USP15: variants seen among roughly 807,000 people sequenced by gnomAD.
USP15 encodes ubiquitin carboxyl-terminal hydrolase 15.
USP15 carries 18 observed loss-of-function variants against 127.1 expected under a neutral mutation model. The observed-to-expected ratio is 0.14, with a 90% CI of 0.10 to 0.21. The LOEUF (loss-of-function observed/expected upper bound fraction) is 0.21, where lower values mean the gene tolerates loss of function less well. USP15 is among the 10% of genes least tolerant of loss of function. USP15 has a pLI of 1.00. For missense variants in USP15, 805 were observed against 1,159.9 expected (o/e 0.69, Z 4.44); for synonymous variants, 364 against 393.7 (o/e 0.92, Z 0.89).
At chr12:62,289,810 C>T (rs1051025860) in intron 1 of USP15, among the ~76,000 whole-genome samples, 4 of 150,650 alleles carry the variant, frequency 2.7e-5, no homozygotes, top group African/African-American at 9.8e-5. Context: ...TGTTGTATCT[C>T]CTTTTTCATT....
At chr12:62,388,435 A>G (rs1199811070) in intron 11 of USP15, among the ~76,000 whole-genome samples, 2 of 152,184 alleles carry the variant, frequency 1.3e-5, no homozygotes, top group African/African-American at 2.4e-5. Flanking sequence ...GCCCAGCCCA[A>G]TGAAGATTTT....
chr12:62,314,766 A>T, intron 3 of USP15, 24 bp from the exon 4 acceptor site: 1 of 1,520,484 alleles, frequency 6.6e-7, no homozygotes, highest in Non-Finnish European at 8.8e-7. Context: ...GGTGACACTG[A>T]TTTGTTTTGT....
At chr12:62,322,431 C>T (rs562016040) in intron 5 of USP15, among the ~76,000 whole-genome samples, 192 of 152,126 alleles carry the variant, frequency 1.3e-3, no homozygotes, top group Middle Eastern at 3.4e-3. Flanking sequence ...CCACCGTGCC[C>T]GGCCGGTATT....
At chr12:62,392,485 T>A (rs983565918) in intron 18 of USP15, 98 bp downstream of exon 18, 4 of 856,880 alleles carry the variant, frequency 4.7e-6, no homozygotes, top group Non-Finnish European at 7.1e-6. Context: ...TAAATTCTCT[T>A]TGATGTTTTA....
At chr12:62,338,530 T>C (rs921057288) in intron 6 of USP15, among the ~76,000 whole-genome samples, 6 of 152,170 alleles carry the variant, frequency 3.9e-5, no homozygotes, top group African/African-American at 1.4e-4. Context: ...CTTTTGGTGT[T>C]TTAGTCATGA....
At position 62,401,211 on chromosome 12, in the gene USP15, A is replaced by G. The variant is rs780759780; in HGVS notation, c.2699A>G (p.Asp900Gly). 2 of 1,611,484 alleles carry G rather than the reference A, an allele frequency of 1.2e-6. No homozygotes were observed. Among genetic ancestry groups the G allele is most frequent in the Admixed American group, 1.7e-5 (1 of 59,758 alleles). ...GHYTAFAKNK[D>G]DGKWYYFDDS... ...GATACTGCTTTTGCAAAAAATAAAG[A>G]TGATGGAAAATGGTACTATTTTGAT... The change falls in exon 21 of 22, where the codon GAT becomes GGT. Residue 900 changes from aspartate to glycine, a missense_variant. By Grantham distance (94) the Asp-to-Gly change is moderately conservative. This residue lies in a region of USP15 where 116 missense variants were observed against 157.2 expected (regional missense o/e 0.74). Transcript: ENST00000280377.
intron 1 of USP15, chr12:62,274,290 T>C (rs1223254216): frequency 3.9e-5 from 6 of 151,936 alleles, no homozygotes; most frequent in African/African-American, 1.5e-4. Flanking sequence ...AGGCGAGCAG[T>C]TCAAAACCAG....
chr12:62,272,008 G>C (rs1261857734), intron 1 of USP15, among the ~76,000 whole-genome samples: 1 of 151,292 alleles, frequency 6.6e-6, no homozygotes, highest in Non-Finnish European at 1.5e-5. Flanking sequence ...ATTTGTTTCA[G>C]TTTTACTGAA....
At chr12:62,396,173 G>GATAT (rs974691111) in intron 19 of USP15, 122 bp from the exon 20 acceptor site, 6 of 471,390 alleles carry the variant, frequency 1.3e-5, no homozygotes, top group Non-Finnish European at 2.2e-5. Context: ...TATATAGATA[G>GATAT]ATATATATAG....
chr12:62,342,783 A>G (rs1423893544), intron 6 of USP15, among the ~76,000 whole-genome samples: 1 of 152,138 alleles, frequency 6.6e-6, no homozygotes, highest in East Asian at 1.9e-4. Flanking sequence ...GCTTCGTCCC[A>G]GAGGGGCACT....
chr12:62,398,198 G>T (rs547687042), intron 20 of USP15, among the ~76,000 whole-genome samples: 1 of 152,022 alleles, frequency 6.6e-6, no homozygotes, highest in Non-Finnish European at 1.5e-5. Flanking sequence ...TCACCATGGT[G>T]CCCAGGCTGG....
chr12:62,295,143 C>G (rs12821894), intron 2 of USP15, among the ~76,000 whole-genome samples: 10,345 of 152,216 alleles, frequency 0.068, 440 homozygotes, highest in Middle Eastern at 0.095. Context: ...AGACCCCCCC[C>G]CATAGGGTTG....
chr12:62,277,401 T>C (rs2063524131), intron 1 of USP15: 1 of 152,220 alleles, frequency 6.6e-6, no homozygotes, highest in African/African-American at 2.4e-5. Context: ...CATGTTACCA[T>C]ACTGAATAGT....
At chr12:62,339,231 C>A (rs559521033) in intron 6 of USP15, among the ~76,000 whole-genome samples, 2 of 151,976 alleles carry the variant, frequency 1.3e-5, no homozygotes, top group Non-Finnish European at 2.9e-5. Context: ...GATTTTTGCA[C>A]GTTGATTTTG....
chr12:62,308,505 C>T (rs910035800), intron 3 of USP15, among the ~76,000 whole-genome samples: 1 of 152,010 alleles, frequency 6.6e-6, no homozygotes, highest in Admixed American at 6.6e-5. Context: ...TCCCTCATCC[C>T]CTCCCCTCGG....
chr12:62,350,257 A>G (rs1462767855), intron 7 of USP15, among the ~76,000 whole-genome samples: 4 of 152,096 alleles, frequency 2.6e-5, no homozygotes, highest in African/African-American at 4.8e-5. Context: ...TAAAATTAAA[A>G]CACCAATAAT....
intron 2 of USP15, among the ~76,000 whole-genome samples, chr12:62,300,737 C>T (rs575038679): frequency 6.6e-6 from 1 of 152,204 alleles, no homozygotes; most frequent in South Asian, 2.1e-4. Context: ...GCATACATGG[C>T]ACTGTATACA....
At chr12:62,298,274 C>T (rs1364135457) in intron 2 of USP15, among the ~76,000 whole-genome samples, 1 of 152,104 alleles carries the variant, frequency 6.6e-6, no homozygotes, top group Non-Finnish European at 1.5e-5. Flanking sequence ...CCTGTAATCC[C>T]AGCACTGTGG....
chr12:62,344,607 G>A (rs2065754206), intron 6 of USP15, among the ~76,000 whole-genome samples: 1 of 152,204 alleles, frequency 6.6e-6, no homozygotes, highest in Non-Finnish European at 1.5e-5. Flanking sequence ...CCCCAGTAGG[G>A]ACTCTCTATG....
Sources: gnomAD v4.1 joint callset for allele counts (sites outside exome capture counted in the v4.1 genomes callset) on GRCh38, gnomAD v4.1.1 for gene constraint, gnomAD v4.1.1 regional missense constraint, MANE v1.5 for transcripts, NCBI Gene and HGNC (gene_info 2026-07-23, HGNC 2026-07-21) for gene names.